Variants in PET117 observed in about 807,000 individuals in gnomAD.
The protein encoded by PET117 is protein PET117 homolog, mitochondrial.
Under a neutral mutation model 9.2 loss-of-function variants are expected in PET117, and 10 were observed. The ratio of observed to expected loss-of-function variants is 1.09; its 90% CI spans 0.67 to 1.85. PET117 has a LOEUF of 1.85. PET117 is among the 40% of genes most tolerant of loss of function. PET117 has a pLI of 0.00. For synonymous variants in PET117, 43 were observed against 37.1 expected (o/e 1.16, Z -0.57); for missense variants, 96 against 98.2 (o/e 0.98, Z 0.09).
chr20:18,137,920 G>T lies in PET117; in HGVS notation c.-36G>T, dbSNP rs746299311. ...CTGCGGCGGCCTCTGCGCCTCGGGC[G>T]GGCGGGAGAGAGAGGCCGCGGCCGC... On this transcript the variant is annotated 5_prime_UTR_variant, in exon 1 of 2. Transcript: ENST00000432901. 4 of 1,467,754 alleles carry T rather than the reference G, an allele frequency of 2.7e-6. No individual in the cohort carries two copies. The South Asian group carries it at 5.2e-5, about 19-fold the overall frequency. 90.9% of individuals were successfully genotyped at this position (1,467,754 alleles called of 1,614,324 possible). A position where few individuals can be genotyped will look rare whatever the true frequency, so the allele number is the denominator to read the frequency against.
chr20:18,142,649 G>T lies in PET117; in HGVS notation c.*292G>T, dbSNP rs200020627. 7.7e-5 allele frequency: 124 copies of T among 1,613,586 alleles called. No homozygotes were observed. The highest frequency in any genetic ancestry group is 1.7e-5 in the Admixed American group (1 of 59,992). ...TACTGAGAAGCACTGCCGAGCTTGT[G>T]AGAAGGAAGGGATGGATAGTAGCAT... On this transcript the variant is annotated 3_prime_UTR_variant, in exon 2 of 2. Coordinates refer to ENST00000432901, the MANE Select transcript of PET117 (RefSeq NM_001164811.2).
rs2037629626 is a variant in PET117, at chr20:18,142,643, G to A, written c.*286G>A. The A allele has an allele frequency of 2.5e-6, 4 of 1,613,594 alleles. No homozygotes were observed. The highest frequency in any genetic ancestry group is 3.4e-6 in the Non-Finnish European group (4 of 1,179,540). On this transcript the variant is annotated 3_prime_UTR_variant, in exon 2 of 2. Transcript: ENST00000432901. The stretch of plus-strand genomic sequence containing the variant: ...GGTTGTTACTGAGAAGCACTGCCGA[G>A]CTTGTGAGAAGGAAGGGATGGATAG...
intron 1 of PET117, among the ~76,000 whole-genome samples, chr20:18,139,981 A>G (rs983802091): frequency 1.1e-4 from 16 of 152,186 alleles, no homozygotes; most frequent in Admixed American, 9.8e-4. Context: ...ATTAGTAAGG[A>G]AAGTTGTTAG....
rs1265931625 is a variant in PET117 at position 18,137,917 on chromosome 20, G to A, written c.-39G>A. 3 of 1,463,066 alleles carry A rather than the reference G, an allele frequency of 2.1e-6. No homozygotes were observed. The highest frequency in any genetic ancestry group is 5.8e-5 in the East Asian group (2 of 34,566). 90.6% of individuals were successfully genotyped at this position (1,463,066 alleles called of 1,614,324 possible). A position where few individuals can be genotyped will look rare whatever the true frequency, so the allele number is the denominator to read the frequency against. ...ACTCTGCGGCGGCCTCTGCGCCTCG[G>A]GCGGGCGGGAGAGAGAGGCCGCGGC... is the stretch of plus-strand genomic sequence containing the variant. On this transcript the variant is annotated 5_prime_UTR_variant, in exon 1 of 2. Transcript: ENST00000432901.
At position 18,143,144 on chromosome 20, in the gene PET117, C is replaced by G. The variant is rs890438601; in HGVS notation, c.*787C>G. ...GTTAAATTAACACTTTTGGTGGTAA[C>G]TCAATAAAATTGAGAAAATTGGAAA... On this transcript the variant is annotated 3_prime_UTR_variant, in exon 2 of 2. Transcript: ENST00000432901. The G allele has an allele frequency of 7.9e-7, 1 of 1,267,014 alleles. No homozygotes were observed. The highest frequency in any genetic ancestry group is 1.0e-6 in the Non-Finnish European group (1 of 1,002,640). The allele number at this position is 1,267,014 out of a possible 1,614,324, so 78.5% of individuals were successfully genotyped here.
chr20:18,138,984 G>T (rs73256064), intron 1 of PET117, among the ~76,000 whole-genome samples: 1 of 151,888 alleles, frequency 6.6e-6, no homozygotes, highest in Admixed American at 6.6e-5. Flanking sequence ...TTCACCAAGG[G>T]TGAAAATAAT....
chr20:18,142,240 G>A lies in PET117; in HGVS notation c.129G>A (p.Glu43=), dbSNP rs1320960124. 4 of 1,537,172 alleles carry A rather than the reference G, an allele frequency of 2.6e-6. No homozygotes were observed. The highest frequency in any genetic ancestry group is 8.7e-7 in the Non-Finnish European group (1 of 1,146,894). Residue 43 remains glutamate, a synonymous_variant, in exon 2 of 2, where the codon GAG becomes GAA. Transcript: ENST00000432901. ...GTGACGGAGTTATCAGAGACATTGAGAGGCAAATTCGGAAAAAAGAAAACA... is the reference window on the plus strand; with the variant it reads ...GTGACGGAGTTATCAGAGACATTGAAAGGCAAATTCGGAAAAAAGAAAACA... ...RLRDGVIRDI[E]RQIRKKENIR... is the part of the protein sequence containing the mutation.
rs1646053382 is a variant in PET117, at chr20:18,138,330, G to T, written c.96+279G>T. 8 of 1,129,400 alleles carry T rather than the reference G, an allele frequency of 7.1e-6. No individual in the cohort carries two copies. In the South Asian group the frequency reaches 2.1e-4, roughly 30 times the overall value. The allele number at this position is 1,129,400 out of a possible 1,614,324, so 70.0% of individuals were successfully genotyped here. A position where few individuals can be genotyped will look rare whatever the true frequency, so the allele number is the denominator to read the frequency against. ...CTCCGCGCTGAAGGGGCCTTGCTCCGCACAGGCACGGCACGCAAGCTTTTG... is the reference window on the plus strand; with the variant it reads ...CTCCGCGCTGAAGGGGCCTTGCTCCTCACAGGCACGGCACGCAAGCTTTTG... On this transcript the variant is annotated intron_variant, in intron 1 of 1. Coordinates refer to ENST00000432901, the MANE Select transcript of PET117 (RefSeq NM_001164811.2).
chr20:18,137,921 G>T lies in PET117; in HGVS notation c.-35G>T, dbSNP rs2037352571. ...TGCGGCGGCCTCTGCGCCTCGGGCG[G>T]GCGGGAGAGAGAGGCCGCGGCCGCC... is the stretch of plus-strand genomic sequence containing the variant. On this transcript the variant is annotated 5_prime_UTR_variant, in exon 1 of 2. Transcript: ENST00000432901. The T allele has an allele frequency of 6.8e-7, 1 of 1,470,044 alleles. No individual in the cohort carries two copies. Among genetic ancestry groups the T allele is most frequent in the Non-Finnish European group, 8.9e-7 (1 of 1,117,616 alleles). 91.1% of individuals were successfully genotyped at this position (1,470,044 alleles called of 1,614,324 possible).
rs1345441244 is a variant in PET117, at chr20:18,140,859, A to C, written c.97-1349A>C. ...AAACCAATAAAACAAAACAAAAAAA[A>C]CCCTATTTATTTATTTTGAGATGGG... On this transcript the variant is annotated intron_variant, in intron 1 of 1. Coordinates refer to ENST00000432901, the MANE Select transcript of PET117 (RefSeq NM_001164811.2). Among the ~76,000 whole-genome samples, 6 of 149,010 alleles carry C rather than the reference A, an allele frequency of 4.0e-5. No homozygotes were observed. In the East Asian group the frequency reaches 9.8e-4, roughly 24 times the overall value.
intron 1 of PET117, among the ~76,000 whole-genome samples, chr20:18,140,883 G>T (rs1294637696): frequency 2.0e-5 from 3 of 150,034 alleles, no homozygotes; most frequent in Non-Finnish European, 4.4e-5. Context: ...TTTTGAGATG[G>T]GGCTTGTTCT....
intron 1 of PET117, among the ~76,000 whole-genome samples, chr20:18,139,529 T>G (rs745520604): frequency 6.6e-6 from 1 of 152,152 alleles, no homozygotes; most frequent in Non-Finnish European, 1.5e-5. Flanking sequence ...GGTTCAACAA[T>G]GTTTTAAAAG....
At chr20:18,138,776 A>G (rs1179146482) in intron 1 of PET117, among the ~76,000 whole-genome samples, 4 of 151,776 alleles carry the variant, frequency 2.6e-5, no homozygotes, top group Non-Finnish European at 5.9e-5. Context: ...CTCAGTTCAT[A>G]TTTTCTTTCT....
intron 1 of PET117, among the ~76,000 whole-genome samples, chr20:18,140,831 AAAAAAC>A (rs1445308537): frequency 2.0e-5 from 3 of 149,558 alleles, no homozygotes; most frequent in South Asian, 2.1e-4. Context: ...AAAAAAAAAA[AAAAAAC>A]CAATAAAACA....
chr20:18,141,420 T>G (rs2037572957), intron 1 of PET117, among the ~76,000 whole-genome samples: 1 of 152,162 alleles, frequency 6.6e-6, no homozygotes, highest in Non-Finnish European at 1.5e-5. Flanking sequence ...TGCATGATTT[T>G]TACATTGTTA....
chr20:18,137,917 G>C lies in PET117; in HGVS notation c.-39G>C. The C allele has an allele frequency of 6.8e-7, 1 of 1,463,182 alleles. No homozygotes were observed. Among genetic ancestry groups the C allele is most frequent in the Non-Finnish European group, 9.0e-7 (1 of 1,114,480 alleles). The allele number at this position is 1,463,182 out of a possible 1,614,324, so 90.6% of individuals were successfully genotyped here. On this transcript the variant is annotated 5_prime_UTR_variant, in exon 1 of 2. Coordinates refer to ENST00000432901, the MANE Select transcript of PET117 (RefSeq NM_001164811.2). ...ACTCTGCGGCGGCCTCTGCGCCTCG[G>C]GCGGGCGGGAGAGAGAGGCCGCGGC...
intron 1 of PET117, among the ~76,000 whole-genome samples, chr20:18,141,791 G>A (rs919535699): frequency 2.0e-5 from 3 of 152,142 alleles, no homozygotes; most frequent in South Asian, 4.1e-4. Context: ...GGCTGAGGCC[G>A]GAGAATCACT....
intron 1 of PET117, chr20:18,138,532 C>T: frequency 1.1e-6 from 1 of 874,316 alleles, no homozygotes; most frequent in Non-Finnish European, 1.4e-6. Context: ...ATGTGTTTTA[C>T]GTGCTATTGA....
rs1202528797 is a variant in PET117, at chr20:18,142,395, T to C, written c.*38T>C. ...ATATCTGTTGGACAGACAACACGAG[T>C]TTGTGTGTGTGTGTTGATGGAGAGT... is the stretch of plus-strand genomic sequence containing the variant. On this transcript the variant is annotated 3_prime_UTR_variant, in exon 2 of 2. Coordinates refer to ENST00000432901, the MANE Select transcript of PET117 (RefSeq NM_001164811.2). 2 of 1,523,126 alleles carry C rather than the reference T, an allele frequency of 1.3e-6. No homozygotes were observed. Among genetic ancestry groups the C allele is most frequent in the South Asian group, 2.4e-5 (2 of 82,442 alleles). 94.4% of individuals were successfully genotyped at this position (1,523,126 alleles called of 1,614,324 possible). A position where few individuals can be genotyped will look rare whatever the true frequency, so the allele number is the denominator to read the frequency against.
Sources: allele counts gnomAD v4.1 joint callset (sites outside exome capture counted in the v4.1 genomes callset), GRCh38; gene constraint gnomAD v4.1.1; transcripts MANE v1.5; gene names NCBI Gene and HGNC (gene_info 2026-07-23, HGNC 2026-07-21).